The following CARD8 variants were observed in gnomAD, a reference collection of about 807,000 sequenced individuals.
CARD8 encodes the protein caspase recruitment domain-containing protein 8.
In CARD8, 38 loss-of-function variants were observed where a neutral mutation model predicts 53.2. That is an observed-to-expected ratio of 0.71 (90% CI 0.55 to 0.94). CARD8 has a LOEUF of 0.94. Ranked by LOEUF, CARD8 falls within the 40% of genes least tolerant of loss-of-function variation. CARD8 has a pLI of 0.00. For missense variants in CARD8, 561 were observed against 655.5 expected (o/e 0.86, Z 1.57); for synonymous variants, 245 against 244.9 (o/e 1.00, Z 0.00).
At chr19:48,249,445 G>A (rs993853154) in intron 3 of CARD8, 78 bp downstream of exon 3, 7 of 152,174 alleles carry the variant, frequency 4.6e-5, no homozygotes, top group African/African-American at 1.4e-4. Context: ...CTATGTTTTA[G>A]ATATTTTATT....
intron 1 of CARD8, 21 bp downstream of exon 1, chr19:48,255,771 A>G (rs7258674): frequency 0.65 from 98,360 of 152,070 alleles, 31,992 homozygotes; most frequent in African/African-American, 0.71. Flanking sequence ...CTTCCTGTAC[A>G]CTAGGGCTCC....
intron 1 of CARD8, among the ~76,000 whole-genome samples, chr19:48,252,803 G>GTATATATATA (rs370220292): frequency 1.6e-5 from 1 of 60,716 alleles, no homozygotes; most frequent in African/African-American, 4.5e-5. Flanking sequence ...GGCCTTATCA[G>GTATATATATA]TATATACACA....
chr19:48,234,368 GTC>G, intron 6 of CARD8, 33 bp downstream of exon 6: 1 of 1,589,588 alleles, frequency 6.3e-7, no homozygotes, highest in East Asian at 2.3e-5. Context: ...GAGACACAGC[GTC>G]CAATAGTTTT....
downstream of CARD8, chr19:48,208,072 T>G (rs1170482789): frequency 6.6e-6 from 1 of 152,032 alleles, no homozygotes; most frequent in East Asian, 1.9e-4. Flanking sequence ...ATAAATCAAT[T>G]TAACTTCTAA....
chr19:48,238,078 A>G (rs1447644269), intron 5 of CARD8, among the ~76,000 whole-genome samples: 1 of 151,610 alleles, frequency 6.6e-6, no homozygotes, highest in Non-Finnish European at 1.5e-5. Context: ...TTTAGTAGAG[A>G]TGGGGTTTCA....
chr19:48,223,212 G>C (rs2041038585), intron 10 of CARD8, among the ~76,000 whole-genome samples: 1 of 151,872 alleles, frequency 6.6e-6, no homozygotes, highest in Non-Finnish European at 1.5e-5. Flanking sequence ...GCTGAGGCAG[G>C]AGAATCGCAT....
intron 12 of CARD8, 118 bp from the exon 13 acceptor site, chr19:48,215,502 T>C: frequency 1.4e-6 from 1 of 708,958 alleles, no homozygotes; most frequent in Non-Finnish European, 2.5e-6. Flanking sequence ...GTCATAAGGC[T>C]CTTGTTTTGC....
rs1441305151 is a variant in CARD8 at position 48,209,464 on chromosome 19, CAACAGGTG to C, written c.*2238_*2245del. ...GCACTCAGTGGGACGACACAGATAACAACAGGTGAACACTCCAGCAAATTTGAAAATAG... is the reference window on the plus strand; with the variant it reads ...GCACTCAGTGGGACGACACAGATAACAACACTCCAGCAAATTTGAAAATAG... On this transcript the variant is annotated 3_prime_UTR_variant, in exon 14 of 14. Coordinates refer to ENST00000651546, the MANE Select transcript of CARD8 (RefSeq NM_001184900.3). 2.0e-5 allele frequency: 3 copies of C among 152,030 alleles called. No homozygotes were observed. The highest frequency in any genetic ancestry group is 4.4e-5 in the Non-Finnish European group (3 of 67,998). 9.4% of individuals were successfully genotyped at this position (152,030 alleles called of 1,614,324 possible). A position where few individuals can be genotyped will look rare whatever the true frequency, so the allele number is the denominator to read the frequency against.
At chr19:48,204,024 G>A (rs575086108), downstream of CARD8, 2 of 381,342 alleles carry the variant, frequency 5.2e-6, no homozygotes, top group South Asian at 1.9e-5. Context: ...AGGCTGCGGG[G>A]TGTTTCCTTC....
At chr19:48,233,197 G>C (rs2043227710) in intron 6 of CARD8, 1 of 372,582 alleles carries the variant, frequency 2.7e-6, no homozygotes. Context: ...AGCCAATATG[G>C]GTTCTATGAC....
chr19:48,206,525 G>T, downstream of CARD8: 1 of 461,142 alleles, frequency 2.2e-6, no homozygotes, highest in South Asian at 1.5e-5. Flanking sequence ...TCACTCCTGT[G>T]ATAACAAGAC....
At chr19:48,250,203 G>A (rs2046773740) in intron 1 of CARD8, among the ~76,000 whole-genome samples, 1 of 152,150 alleles carries the variant, frequency 6.6e-6, no homozygotes, top group Admixed American at 6.5e-5. Context: ...GAATAGATAT[G>A]CCATATTAAA....
At chr19:48,233,059 T>C in intron 6 of CARD8, 1 of 351,772 alleles carries the variant, frequency 2.8e-6, no homozygotes, top group South Asian at 2.2e-5. Flanking sequence ...AATTCCAAAC[T>C]TGACCACACC....
At chr19:48,247,371 A>G (rs2046292155) in intron 3 of CARD8, among the ~76,000 whole-genome samples, 1 of 152,172 alleles carries the variant, frequency 6.6e-6, no homozygotes, top group Non-Finnish European at 1.5e-5. Flanking sequence ...AACAACTGAA[A>G]TGTTTTTCAA....
At chr19:48,224,412 C>T (rs932203975) in intron 10 of CARD8, among the ~76,000 whole-genome samples, 1 of 152,052 alleles carries the variant, frequency 6.6e-6, no homozygotes, top group African/African-American at 2.4e-5. Flanking sequence ...TATTGTCTTC[C>T]AAATCTGTGT....
At chr19:48,227,087 C>CA (rs57953827) in intron 10 of CARD8, among the ~76,000 whole-genome samples, 41,527 of 103,632 alleles carry the variant, frequency 0.4, 6,695 homozygotes, top group Admixed American at 0.46. Flanking sequence ...GACTCCGTCT[C>CA]AAAAAAAAAA....
In CARD8 at chr19:48,232,152, A is replaced by T. The variant is rs1372628569; in HGVS notation, c.391+301T>A. On this transcript the variant is annotated intron_variant, in intron 7 of 13. Transcript: ENST00000651546. ...GAAGACACTTTCTGCTGGTGAGGAA[A>T]GTCCAGGTCAGAAAAGTATCGAACT... is the stretch of plus-strand genomic sequence containing the variant. 5.4e-6 allele frequency: 3 copies of T among 555,172 alleles called. No individual in the cohort carries two copies. In the African/African-American group the frequency reaches 5.7e-5, roughly 10 times the overall value. 34.4% of individuals were successfully genotyped at this position (555,172 alleles called of 1,614,324 possible).
rs1346964201 is a variant in CARD8, at chr19:48,210,628, G to C, written c.*1082C>G. 6.6e-6 allele frequency: 1 copy of C among 152,112 alleles called. No individual in the cohort carries two copies. The highest frequency in any genetic ancestry group is 1.5e-5 in the Non-Finnish European group (1 of 68,004). 9.4% of individuals were successfully genotyped at this position (152,112 alleles called of 1,614,324 possible). A position where few individuals can be genotyped will look rare whatever the true frequency, so the allele number is the denominator to read the frequency against. On this transcript the variant is annotated 3_prime_UTR_variant, in exon 14 of 14. Coordinates refer to ENST00000651546, the MANE Select transcript of CARD8 (RefSeq NM_001184900.3). ...ATTCCACTTTAAGTGGTACAAATGT[G>C]ATAACAGTAGAATAGAAAAGACATA...
At chr19:48,207,734 G>GTTTTTTTTTTTTTTGTTTTTTT (rs1599964939), downstream of CARD8, among the ~76,000 whole-genome samples, 2 of 116,550 alleles carry the variant, frequency 1.7e-5, no homozygotes, top group Admixed American at 8.8e-5. Context: ...TTGTTTTTCT[G>GTTTTTTTTTTTTTTGTTTTTTT]TTTTTTTTTT....
Sources: gnomAD v4.1 joint callset for allele counts (sites outside exome capture counted in the v4.1 genomes callset) on GRCh38, gnomAD v4.1.1 for gene constraint, MANE v1.5 for transcripts, NCBI Gene and HGNC (gene_info 2026-07-23, HGNC 2026-07-21) for gene names.